The following MLIP variants were observed in gnomAD, a reference collection of about 807,000 sequenced individuals.
MLIP encodes muscular LMNA-interacting protein.
In MLIP, 79 loss-of-function variants were observed where a neutral mutation model predicts 84.8. The observed-to-expected ratio is 0.93, with a 90% CI of 0.78 to 1.12. The LOEUF (loss-of-function observed/expected upper bound fraction) is 1.12. MLIP is among the 50% of genes most tolerant of loss of function. The probability of loss-of-function intolerance (pLI) is 0.00; values close to 1 mark genes in which losing one functional copy is unlikely to be tolerated. For missense variants in MLIP, 1,257 were observed against 1,160.6 expected (o/e 1.08, Z -1.21); for synonymous variants, 504 against 463.0 (o/e 1.09, Z -1.14).
chr6:54,146,796 T>G (rs1019242946), intron 4 of MLIP, among the ~76,000 whole-genome samples: 1 of 152,188 alleles, frequency 6.6e-6, no homozygotes, highest in East Asian at 1.9e-4. Context: ...AAGTTGAGGA[T>G]AGGAGAACAA....
chr6:54,212,405 A>G (rs1427707240), intron 11 of MLIP, among the ~76,000 whole-genome samples: 2 of 152,202 alleles, frequency 1.3e-5, no homozygotes, highest in East Asian at 3.8e-4. Context: ...TAGATGATTC[A>G]AAAAAGAGGG....
At chr6:54,074,408 T>C (rs920095975) in intron 1 of MLIP, among the ~76,000 whole-genome samples, 4 of 126,752 alleles carry the variant, frequency 3.2e-5, no homozygotes, top group Non-Finnish European at 6.6e-5. Context: ...AACGCGATGA[T>C]TTTTTTTTCT....
chr6:54,137,851 A>G lies in MLIP; in HGVS notation c.1782A>G (p.Leu594=). ...STLASSALSS[L]SPPINQRATF... ...TAGCCTCCTCTGCATTATCTTCTCT[A>G]TCTCCTCCTATTAATCAAAGAGCTA... The change falls in exon 4 of 14, where the codon CTA becomes CTG. Residue 594 remains leucine (L), a synonymous_variant. Coordinates refer to ENST00000502396, the MANE Select transcript of MLIP (RefSeq NM_001281747.2). The G allele has an allele frequency of 1.3e-6, 2 of 1,535,932 alleles. No individual in the cohort carries two copies. Among genetic ancestry groups the G allele is most frequent in the Non-Finnish European group, 1.7e-6 (2 of 1,146,862 alleles).
intron 11 of MLIP, among the ~76,000 whole-genome samples, chr6:54,205,478 T>A (rs368085874): frequency 6.6e-6 from 1 of 152,228 alleles, no homozygotes; most frequent in East Asian, 1.9e-4. Flanking sequence ...AGTCAATAAA[T>A]TTTTCCTAGC....
intron 1 of MLIP, among the ~76,000 whole-genome samples, chr6:54,022,869 A>T (rs1235103945): frequency 6.6e-6 from 1 of 152,108 alleles, no homozygotes; most frequent in African/African-American, 2.4e-5. Flanking sequence ...CAGTAATATT[A>T]CAAAAATAAT....
chr6:54,109,924 TCTTCCTTCCTTC>T (rs765528200), upstream of MLIP, among the ~76,000 whole-genome samples: 45 of 65,902 alleles, frequency 6.8e-4, 2 homozygotes, highest in African/African-American at 2.0e-3. Context: ...TTTCTTTCTT[TCTTCCTTCCTTC>T]CTTCCTTCCT....
In MLIP at chr6:54,097,772, G is replaced by T. The variant is rs137870316; in HGVS notation, c.64-23675G>T. 9.0e-3 allele frequency among the ~76,000 whole-genome samples: 1,363 copies of T among 152,274 alleles called. 24 individuals carry two copies. The highest frequency in any genetic ancestry group is 0.03 in the African/African-American group (1,254 of 41,560). ...TATATCTATTGCATAATTTAATGGA[G>T]CCTAACAGGTAGGTTTTTATAAATG... On this transcript the variant is annotated intron_variant, in intron 1 of 12. Coordinates refer to the MLIP transcript ENST00000274897.
At chr6:54,058,702 G>A (rs562195171) in intron 1 of MLIP, among the ~76,000 whole-genome samples, 2 of 152,290 alleles carry the variant, frequency 1.3e-5, no homozygotes, top group South Asian at 4.1e-4. Context: ...AAGCCATGTT[G>A]TTCTAGATGA....
At chr6:54,029,697 TG>T (rs1561876780) in intron 1 of MLIP, among the ~76,000 whole-genome samples, 1 of 152,330 alleles carries the variant, frequency 6.6e-6, no homozygotes, top group South Asian at 2.1e-4. Context: ...TTATGTTATT[TG>T]GCATGCCAGA....
intron 10 of MLIP, among the ~76,000 whole-genome samples, chr6:54,198,143 C>A (rs1180351459): frequency 6.6e-6 from 1 of 152,082 alleles, no homozygotes; most frequent in East Asian, 1.9e-4. Context: ...TGTCTTTCAA[C>A]TTTTAATGTG....
intron 13 of MLIP, among the ~76,000 whole-genome samples, chr6:54,262,180 A>C (rs1245357783): frequency 1.3e-5 from 2 of 152,008 alleles, no homozygotes; most frequent in Non-Finnish European, 2.9e-5. Flanking sequence ...GGGAAATGTA[A>C]TTTAAAAACA....
intron 12 of MLIP, among the ~76,000 whole-genome samples, chr6:54,249,236 C>G (rs1020295278): frequency 3.3e-5 from 5 of 152,154 alleles, no homozygotes; most frequent in Middle Eastern, 6.8e-3. Flanking sequence ...AGGGCCCAGA[C>G]TTTAAAGATG....
intron 5 of MLIP, among the ~76,000 whole-genome samples, chr6:54,153,258 A>T (rs1005023019): frequency 2.6e-5 from 4 of 152,176 alleles, no homozygotes; most frequent in African/African-American, 9.6e-5. Flanking sequence ...AAACGACGGC[A>T]TAAAAAGAAA....
At chr6:54,167,569 A>G in intron 8 of MLIP, among the ~76,000 whole-genome samples, 1 of 151,782 alleles carries the variant, frequency 6.6e-6, no homozygotes, top group South Asian at 2.1e-4. Context: ...TTGGTTGTTT[A>G]TTATTTCTGC....
intron 4 of MLIP, among the ~76,000 whole-genome samples, chr6:54,148,484 T>TG (rs1182592755): frequency 6.6e-6 from 1 of 152,276 alleles, no homozygotes; most frequent in African/African-American, 2.4e-5. Context: ...AGTGTGTACT[T>TG]TTTGTTTTTC....
At chr6:54,188,472 T>C (rs1777608299) in intron 9 of MLIP, among the ~76,000 whole-genome samples, 1 of 152,150 alleles carries the variant, frequency 6.6e-6, no homozygotes. Flanking sequence ...TTTATTATAC[T>C]CTTTAAGCTT....
intron 13 of MLIP, among the ~76,000 whole-genome samples, chr6:54,264,321 G>A (rs76271433): frequency 0.047 from 7,195 of 151,804 alleles, 546 homozygotes; most frequent in African/African-American, 0.17. Flanking sequence ...ACCTCTCCTG[G>A]TAACAGAGTT....
chr6:54,044,227 T>A (rs1000184602), intron 1 of MLIP, among the ~76,000 whole-genome samples: 3 of 152,166 alleles, frequency 2.0e-5, no homozygotes, highest in Admixed American at 2.0e-4. Flanking sequence ...TGGTTTCTGG[T>A]TCAAGAATTA....
At chr6:54,115,213 C>T (rs1184426121) in intron 1 of MLIP, among the ~76,000 whole-genome samples, 1 of 152,074 alleles carries the variant, frequency 6.6e-6, no homozygotes, top group Non-Finnish European at 1.5e-5. Flanking sequence ...TGTTTACCTT[C>T]CTGGTTCAGA....
Sources: allele counts gnomAD v4.1 joint callset (sites outside exome capture counted in the v4.1 genomes callset), GRCh38; gene constraint gnomAD v4.1.1; transcripts MANE v1.5; gene names NCBI Gene and HGNC (gene_info 2026-07-23, HGNC 2026-07-21).